The following ADK variants were observed in gnomAD, a reference collection of about 807,000 sequenced individuals.
ADK encodes the protein N6,N6-dimethyladenosine kinase.
Under a neutral mutation model 44.7 loss-of-function variants are expected in ADK, and 24 were observed. The observed-to-expected ratio is 0.54, with a 90% CI of 0.39 to 0.76. The LOEUF (loss-of-function observed/expected upper bound fraction) is 0.76. Ranked by LOEUF, ADK falls within the 30% of genes least tolerant of loss-of-function variation. The probability of loss-of-function intolerance (pLI) is 0.00; values close to 1 mark genes in which losing one functional copy is unlikely to be tolerated. For synonymous variants in ADK, 128 were observed against 142.6 expected (o/e 0.90, Z 0.73); for missense variants, 321 against 425.1 (o/e 0.76, Z 2.15).
intron 4 of ADK, among the ~76,000 whole-genome samples, chr10:74,369,624 A>ATC (rs1181829310): frequency 3.9e-5 from 6 of 152,180 alleles, no homozygotes; most frequent in Non-Finnish European, 7.4e-5. Flanking sequence ...GAAACTGGTG[A>ATC]TAGAGAGGAA....
At chr10:74,597,657 C>T (rs1383634385) in intron 8 of ADK, among the ~76,000 whole-genome samples, 1 of 152,148 alleles carries the variant, frequency 6.6e-6, no homozygotes, top group Non-Finnish European at 1.5e-5. Flanking sequence ...GGCAGGAAAA[C>T]CACAGAAGTG....
At chr10:74,565,416 CAAT>C (rs954456328) in intron 7 of ADK, among the ~76,000 whole-genome samples, 21 of 151,976 alleles carry the variant, frequency 1.4e-4, no homozygotes, top group South Asian at 6.2e-4. Context: ...GTTGTCATAT[CAAT>C]AATAATAATA....
At chr10:74,455,471 T>A (rs891379190) in intron 6 of ADK, among the ~76,000 whole-genome samples, 1 of 152,164 alleles carries the variant, frequency 6.6e-6, no homozygotes, top group Non-Finnish European at 1.5e-5. Flanking sequence ...CCTTGACTTA[T>A]GAAGCTTAGT....
intron 9 of ADK, among the ~76,000 whole-genome samples, chr10:74,644,372 T>C (rs1333395849): frequency 6.6e-6 from 1 of 152,214 alleles, no homozygotes; most frequent in Admixed American, 6.5e-5. Flanking sequence ...ATGGATACGG[T>C]GTACAGTGGC....
chr10:74,204,473 G>GT lies in ADK; in HGVS notation c.140+3636dup, dbSNP rs1333091927. Among the ~76,000 whole-genome samples, 3 of 152,164 alleles carry GT rather than the reference G, an allele frequency of 2.0e-5. No individual in the cohort carries two copies. The East Asian group carries it at 5.8e-4, about 29-fold the overall frequency. ...TTTTTATATCCTGGGGATTACCCCT[G>GT]TAAGTATATTTGGCTAAACTCAAAT... On this transcript the variant is annotated intron_variant, in intron 2 of 10. Coordinates refer to ENST00000539909, the MANE Select transcript of ADK (RefSeq NM_006721.4).
chr10:74,614,014 G>T (rs982736463), intron 9 of ADK, among the ~76,000 whole-genome samples: 5 of 152,102 alleles, frequency 3.3e-5, no homozygotes, highest in Admixed American at 2.6e-4. Context: ...ACCTATGAAT[G>T]TAAGTTACTA....
chr10:74,319,648 T>C (rs897437191), intron 4 of ADK, among the ~76,000 whole-genome samples: 1 of 152,194 alleles, frequency 6.6e-6, no homozygotes, highest in Non-Finnish European at 1.5e-5. Flanking sequence ...ATAACAACTA[T>C]GTGTTTTTAA....
At chr10:74,634,617 G>T (rs1853559294) in intron 9 of ADK, among the ~76,000 whole-genome samples, 1 of 151,930 alleles carries the variant, frequency 6.6e-6, no homozygotes, top group Non-Finnish European at 1.5e-5. Flanking sequence ...TAGGTATGTA[G>T]AAATTATCAA....
chr10:74,327,197 T>A (rs892275133), intron 4 of ADK, among the ~76,000 whole-genome samples: 2 of 152,338 alleles, frequency 1.3e-5, no homozygotes, highest in East Asian at 3.9e-4. Flanking sequence ...TTTTGCTGTA[T>A]CTGATAGGTT....
At chr10:74,428,511 G>T (rs375313164) in intron 6 of ADK, among the ~76,000 whole-genome samples, 1 of 152,136 alleles carries the variant, frequency 6.6e-6, no homozygotes, top group East Asian at 1.9e-4. Context: ...TGGAAATAAA[G>T]AACTTTATAA....
chr10:74,420,146 T>C (rs765584731), intron 6 of ADK, among the ~76,000 whole-genome samples: 1 of 152,146 alleles, frequency 6.6e-6, no homozygotes, highest in Non-Finnish European at 1.5e-5. Context: ...CTCCAGATAA[T>C]ACCGCCTTTT....
intron 6 of ADK, among the ~76,000 whole-genome samples, chr10:74,445,547 G>T (rs567105875): frequency 7.0e-4 from 107 of 151,960 alleles, no homozygotes; most frequent in Middle Eastern, 3.4e-3. Flanking sequence ...AAGAGAAGTG[G>T]TTGAAATGTA....
At chr10:74,281,985 T>C (rs894918826) in intron 3 of ADK, among the ~76,000 whole-genome samples, 1 of 152,248 alleles carries the variant, frequency 6.6e-6, no homozygotes, top group Admixed American at 6.5e-5. Flanking sequence ...TTTTATTTGT[T>C]GAAATATGCA....
chr10:74,697,022 A>G lies in ADK; in HGVS notation c.965-11299A>G, dbSNP rs57487127. 3.9e-3 allele frequency among the ~76,000 whole-genome samples: 598 copies of G among 152,298 alleles called. 3 individuals are homozygous for G. Among genetic ancestry groups the G allele is most frequent in the African/African-American group, 0.013 (558 of 41,574 alleles). ...TGAACAATGTACTACCTAGATGTATAATAATTTAAATTTAGTGTAAAATGA... is the reference window on the plus strand; with the variant it reads ...TGAACAATGTACTACCTAGATGTATGATAATTTAAATTTAGTGTAAAATGA... On this transcript the variant is annotated intron_variant, in intron 10 of 10. Coordinates refer to ENST00000539909, the MANE Select transcript of ADK (RefSeq NM_006721.4).
chr10:74,508,818 T>A lies in ADK; in HGVS notation c.556-16438T>A, dbSNP rs186110451. ...TTTGGATGTGTCCTTTAAGACTGTA[T>A]TGTGTTATTTTAGATGCATGCATAT... On this transcript the variant is annotated intron_variant, in intron 6 of 10. Coordinates refer to ENST00000539909, the MANE Select transcript of ADK (RefSeq NM_006721.4). Among the ~76,000 whole-genome samples the A allele has an allele frequency of 2.1e-3, 314 of 152,310 alleles. 10 individuals carry two copies. The highest frequency in any genetic ancestry group is 0.019 in the Admixed American group (283 of 15,296).
intron 4 of ADK, among the ~76,000 whole-genome samples, chr10:74,365,564 T>C (rs1021135324): frequency 2.0e-5 from 3 of 152,230 alleles, no homozygotes; most frequent in Non-Finnish European, 4.4e-5. Flanking sequence ...ATGCCTGATT[T>C]TGATTCATTT....
At chr10:74,441,165 T>C (rs1244259190) in intron 6 of ADK, among the ~76,000 whole-genome samples, 1 of 152,224 alleles carries the variant, frequency 6.6e-6, no homozygotes, top group Non-Finnish European at 1.5e-5. Context: ...CAAGGAGTTT[T>C]AATAAGCACT....
At chr10:74,211,701 T>C (rs868818987) in intron 2 of ADK, among the ~76,000 whole-genome samples, 10 of 152,226 alleles carry the variant, frequency 6.6e-5, no homozygotes, top group Admixed American at 1.3e-4. Flanking sequence ...ACATTTGGCT[T>C]TGATCATTTG....
chr10:74,303,588 G>GTTGTTGTTTTTTTTTTT (rs1840139803), intron 3 of ADK, among the ~76,000 whole-genome samples: 1 of 68,576 alleles, frequency 1.5e-5, no homozygotes, highest in Admixed American at 2.0e-4. Flanking sequence ...TTTTAATGTT[G>GTTGTTGTTTTTTTTTTT]TTTTTTTTTT....
Sources: gnomAD v4.1 joint callset for allele counts (sites outside exome capture counted in the v4.1 genomes callset) on GRCh38, gnomAD v4.1.1 for gene constraint, MANE v1.5 for transcripts, NCBI Gene and HGNC (gene_info 2026-07-23, HGNC 2026-07-21) for gene names.